CALD1: variants seen among roughly 807,000 people sequenced by gnomAD.
The protein encoded by CALD1 is caldesmon 1.
A neutral mutation model predicts 99.9 loss-of-function variants in CALD1; 33 were observed. That is an observed-to-expected ratio of 0.33 (90% CI 0.25 to 0.44). CALD1 has a LOEUF of 0.44. Ranked by LOEUF, CALD1 falls within the 20% of genes least tolerant of loss-of-function variation. The pLI, the probability that CALD1 is intolerant of heterozygous loss-of-function variation, is 1.00. For missense variants in CALD1, 861 were observed against 962.1 expected, an observed-to-expected ratio of 0.89 and a Z score of 1.39; for synonymous variants, 310 against 325.0, an observed-to-expected ratio of 0.95 and a Z score of 0.50.
chr7:134,712,213 A>T, the CALD1 span, among the ~76,000 whole-genome samples: 1 of 152,200 alleles, frequency 6.6e-6, no homozygotes, highest in Middle Eastern at 3.2e-3. Context: ...AGCAACAAGT[A>T]CAGATCTCTT....
the CALD1 span, among the ~76,000 whole-genome samples, chr7:134,726,381 A>T: frequency 6.9e-6 from 1 of 145,208 alleles, no homozygotes; most frequent in Non-Finnish European, 1.5e-5. Context: ...TTAATATAAT[A>T]TATATCTTTT....
chr7:134,929,339 C>G lies in CALD1; in HGVS notation c.218+439C>G, dbSNP rs191660818. Among the ~76,000 whole-genome samples the G allele has an allele frequency of 3.5e-3, 527 of 151,756 alleles. 6 individuals carry two copies. Among genetic ancestry groups the G allele is most frequent in the African/African-American group, 0.012 (492 of 41,354 alleles). ...GTGATTTCTGATATTTTGGTGCACT[C>G]GTCACCCGAGCAGTACACACCACGC... is the stretch of plus-strand genomic sequence containing the variant. On this transcript the variant is annotated intron_variant, in intron 4 of 14. Transcript: ENST00000361675.
In CALD1 at chr7:134,947,688, G is replaced by A. The variant is rs1227188988; in HGVS notation, c.1713G>A (p.Lys571=). The part of the protein sequence containing the change: ...AALELEELKK[K]REERRKVLEE... ...TGGAGCTGGAGGAACTCAAGAAAAA[G>A]AGGGAGGAGAGAAGGAAGGTCCTGG... The change falls in exon 8 of 15, where the codon AAG becomes AAA. Residue 571 remains lysine (K), a synonymous_variant. Transcript: ENST00000361675. 1 of 1,606,974 alleles carries A rather than the reference G, an allele frequency of 6.2e-7. No homozygotes were observed. Among genetic ancestry groups the A allele is most frequent in the African/African-American group, 1.3e-5 (1 of 74,860 alleles).
upstream of CALD1, among the ~76,000 whole-genome samples, chr7:134,775,224 T>A (rs1194488269): frequency 6.6e-6 from 1 of 152,220 alleles, no homozygotes; most frequent in Admixed American, 6.5e-5. Context: ...AATTCATATA[T>A]GCTGGGGTCT....
chr7:134,779,055 G>A (rs1797000909), upstream of CALD1, among the ~76,000 whole-genome samples: 2 of 152,148 alleles, frequency 1.3e-5, no homozygotes, highest in Admixed American at 6.5e-5. Flanking sequence ...CAGCAGACCC[G>A]GGTCCTGTCT....
chr7:134,773,945 C>T (rs1968701), intron 1 of CALD1, among the ~76,000 whole-genome samples: 113,636 of 151,948 alleles, frequency 0.75, 43,992 homozygotes, highest in East Asian at 1. Flanking sequence ...CCGAGGCAGG[C>T]GGATCACGAG....
At chr7:134,837,255 G>A (rs563896422) in intron 1 of CALD1, among the ~76,000 whole-genome samples, 2 of 152,194 alleles carry the variant, frequency 1.3e-5, no homozygotes, top group Admixed American at 6.5e-5. Context: ...AATATTAAAC[G>A]AGGGTCAATG....
At chr7:134,870,324 C>A (rs1178643485) in intron 3 of CALD1, among the ~76,000 whole-genome samples, 1 of 152,166 alleles carries the variant, frequency 6.6e-6, no homozygotes, top group Non-Finnish European at 1.5e-5. Flanking sequence ...TCTTTCCTTT[C>A]CACGTGAACA....
At chr7:134,787,439 T>C (rs1321468347) in intron 1 of CALD1, among the ~76,000 whole-genome samples, 2 of 152,202 alleles carry the variant, frequency 1.3e-5, no homozygotes, top group African/African-American at 2.4e-5. Flanking sequence ...GATATTTCGC[T>C]TCCTAGGAAA....
At chr7:134,941,350 T>C in intron 7 of CALD1, 113 bp downstream of exon 7, 1 of 825,822 alleles carries the variant, frequency 1.2e-6, no homozygotes, top group Non-Finnish European at 1.9e-6. Context: ...GCAGGCAGCA[T>C]GCTTTTGTTG....
intron 1 of CALD1, among the ~76,000 whole-genome samples, chr7:134,761,197 G>A (rs1055284934): frequency 1.3e-5 from 2 of 152,146 alleles, no homozygotes; most frequent in Non-Finnish European, 2.9e-5. Flanking sequence ...TTGGCTCTGC[G>A]TGAAGTTTTA....
chr7:134,925,484 T>C (rs1317071447), intron 3 of CALD1, among the ~76,000 whole-genome samples: 1 of 152,120 alleles, frequency 6.6e-6, no homozygotes, highest in Non-Finnish European at 1.5e-5. Flanking sequence ...ATGGGTAATT[T>C]ATAAAGAAAA....
intron 1 of CALD1, among the ~76,000 whole-genome samples, chr7:134,796,175 T>A (rs1165183881): frequency 6.6e-6 from 1 of 152,168 alleles, no homozygotes; most frequent in South Asian, 2.1e-4. Context: ...CAGATAGTGG[T>A]CTAATAGAAA....
At chr7:134,724,213 C>A in the CALD1 span, among the ~76,000 whole-genome samples, 3 of 152,200 alleles carry the variant, frequency 2.0e-5, no homozygotes, top group Non-Finnish European at 2.9e-5. Flanking sequence ...GTTTATATTT[C>A]TCCGGAGGTG....
At chr7:134,737,951 G>C in the CALD1 span, among the ~76,000 whole-genome samples, 1 of 152,224 alleles carries the variant, frequency 6.6e-6, no homozygotes, top group East Asian at 1.9e-4. Context: ...AGTAGGTCCA[G>C]AGTTTCATAT....
chr7:134,802,741 A>C (rs1401859215), intron 1 of CALD1, among the ~76,000 whole-genome samples: 1 of 152,256 alleles, frequency 6.6e-6, no homozygotes, highest in Non-Finnish European at 1.5e-5. Flanking sequence ...GCATATCACT[A>C]GCCAGAGAAA....
chr7:134,966,649 C>T (rs934027717), intron 14 of CALD1, among the ~76,000 whole-genome samples: 1 of 152,112 alleles, frequency 6.6e-6, no homozygotes, highest in African/African-American at 2.4e-5. Flanking sequence ...TACTCCAGCA[C>T]CTGATCCGAG....
intron 2 of CALD1, among the ~76,000 whole-genome samples, chr7:134,864,147 G>A (rs1483717532): frequency 6.6e-6 from 1 of 152,114 alleles, no homozygotes; most frequent in East Asian, 1.9e-4. Flanking sequence ...TCAGGAGTTA[G>A]AGACCAGCCT....
the CALD1 span, among the ~76,000 whole-genome samples, chr7:134,732,574 C>T: frequency 7.7e-6 from 1 of 130,126 alleles, no homozygotes; most frequent in African/African-American, 3.0e-5. Context: ...GTACCTTGAT[C>T]TTGGACTTCC....
Sources: gnomAD v4.1 joint callset for allele counts (sites outside exome capture counted in the v4.1 genomes callset) on GRCh38, gnomAD v4.1.1 for gene constraint, MANE v1.5 for transcripts, NCBI Gene and HGNC (gene_info 2026-07-23, HGNC 2026-07-21) for gene names.